The following TCTN1 variants were observed in gnomAD, a reference collection of about 807,000 sequenced individuals.
The protein encoded by TCTN1 is tectonic-1.
Under a neutral mutation model 65.8 loss-of-function variants are expected in TCTN1, and 58 were observed. The observed-to-expected ratio is 0.88, with a 90% CI of 0.71 to 1.10. The LOEUF is 1.10. TCTN1 is among the 50% of genes least tolerant of loss of function. The pLI, the probability that TCTN1 is intolerant of heterozygous loss-of-function variation, is 0.00. For synonymous variants in TCTN1, 273 were observed against 289.1 expected (o/e 0.94, Z 0.57); for missense variants, 645 against 719.4 (o/e 0.90, Z 1.18).
intron 5 of TCTN1, chr12:110,634,441 C>T: frequency 1.8e-6 from 1 of 568,852 alleles, no homozygotes. Context: ...CTCTGGGAGG[C>T]CGAGGCGAGA....
At chr12:110,623,751 G>A (rs570249168) in intron 2 of TCTN1, among the ~76,000 whole-genome samples, 37 of 151,538 alleles carry the variant, frequency 2.4e-4, no homozygotes, top group African/African-American at 5.8e-4. Context: ...AGCATGCCGG[G>A]CTAATTTTTT....
Position 110,619,941 on chromosome 12 carries a change from C to T in TCTN1, c.326C>T (p.Ser109Leu), listed in dbSNP as rs772567417. Residue 109 changes from serine to leucine, a missense_variant, in exon 2 of 15, where the codon TCA (serine) becomes TTA (leucine). Ser to Leu is a moderately radical substitution (Grantham distance 145). Transcript: ENST00000397659. ...SVDFSVFSAC[S>L]VPVVTGDSQF... is the part of the protein sequence containing the mutation. ...GATTTCAGTGTCTTTTCTGCCTGCT[C>T]AGTTCCAGTTGTCACGTAAGTTTAC... The T allele has an allele frequency of 6.2e-7, 1 of 1,614,138 alleles. No individual in the cohort carries two copies. Among genetic ancestry groups the T allele is most frequent in the South Asian group, 1.1e-5 (1 of 91,074 alleles).
chr12:110,645,597 C>G (rs1406360432), intron 12 of TCTN1: 1 of 222,704 alleles, frequency 4.5e-6, no homozygotes, highest in Admixed American at 5.2e-5. Flanking sequence ...GGCTCTCCCA[C>G]CCATTGTCCC....
rs1376765850 is a variant in TCTN1, at chr12:110,647,446, G to A, written c.1635+110G>A. Reference sequence around the variant, plus strand: ...TGAAAAAGATTATAATTTAAACCATGGGGGTTCATAAAATATTTCAGCAGT... The same window carrying A: ...TGAAAAAGATTATAATTTAAACCATAGGGGTTCATAAAATATTTCAGCAGT... On this transcript the variant is annotated intron_variant, in intron 13 of 14. Coordinates refer to ENST00000397659, the MANE Select transcript of TCTN1 (RefSeq NM_001082538.3). The A allele has an allele frequency of 2.1e-6, 3 of 1,411,630 alleles. No individual in the cohort carries two copies. In the Admixed American group the frequency reaches 5.4e-5, roughly 26 times the overall value. 87.4% of individuals were successfully genotyped at this position (1,411,630 alleles called of 1,614,324 possible).
intron 2 of TCTN1, among the ~76,000 whole-genome samples, chr12:110,623,469 G>A (rs1327738529): frequency 5.3e-5 from 8 of 152,178 alleles, no homozygotes; most frequent in Non-Finnish European, 1.2e-4. Flanking sequence ...CCCTTCTAGA[G>A]GGCAATCTGG....
intron 7 of TCTN1, among the ~76,000 whole-genome samples, chr12:110,637,250 AGAGGCATG>A (rs2066636108): frequency 6.6e-6 from 1 of 152,244 alleles, no homozygotes; most frequent in African/African-American, 2.4e-5. Context: ...GCGTCCGTGC[AGAGGCATG>A]ACACAAGGCC....
chr12:110,623,595 GT>G (rs2065602508), intron 2 of TCTN1, among the ~76,000 whole-genome samples: 1 of 152,136 alleles, frequency 6.6e-6, no homozygotes, highest in Non-Finnish European at 1.5e-5. Flanking sequence ...TATGTATAAG[GT>G]TGTCATTATA....
Position 110,642,252 on chromosome 12 carries a change from T to C in TCTN1, c.1194T>C (p.Ser398=). ...LAAGFQPHKG[S]GIIQTTNRYG... Reference sequence around the variant, plus strand: ...TGTCCCTTAACTGTCTGTGAATGTCTGGGATTATTCAGACCACAAATAGAT... The same window carrying C: ...TGTCCCTTAACTGTCTGTGAATGTCCGGGATTATTCAGACCACAAATAGAT... Residue 398 remains serine (S), a synonymous_variant, in exon 11 of 15, where the codon TCT becomes TCC. Transcript: ENST00000397659. The C allele has an allele frequency of 6.2e-7, 1 of 1,614,200 alleles. No homozygotes were observed. Among genetic ancestry groups the C allele is most frequent in the African/African-American group, 1.3e-5 (1 of 75,042 alleles).
At chr12:110,630,129 T>C (rs1388587810) in intron 4 of TCTN1, 1 of 152,160 alleles carries the variant, frequency 6.6e-6, no homozygotes, top group Non-Finnish European at 1.5e-5. Flanking sequence ...ATGTAGATGA[T>C]GGGTTGATGA....
chr12:110,645,297 GGC>G, intron 12 of TCTN1, 168 bp downstream of exon 12: 1 of 817,720 alleles, frequency 1.2e-6, no homozygotes, highest in South Asian at 1.6e-5. Context: ...TGTTGCCTCT[GGC>G]CAGCAGTTTT....
chr12:110,630,525 C>T (rs553678104), intron 4 of TCTN1, among the ~76,000 whole-genome samples: 1 of 152,270 alleles, frequency 6.6e-6, no homozygotes, highest in African/African-American at 2.4e-5. Flanking sequence ...CTTTTGGAAG[C>T]ATCTTTTTAA....
Position 110,619,782 on chromosome 12 carries a change from A to G in TCTN1, c.221-54A>G, listed in dbSNP as rs2065287525. On this transcript the variant is annotated intron_variant, in intron 1 of 14. Transcript: ENST00000397659. The stretch of plus-strand genomic sequence containing the variant: ...ATGGTACACTGTGGTGGCAGGGGGC[A>G]GTCACCACCTGCTGATGGTGATGTT... 5 of 1,610,744 alleles carry G rather than the reference A, an allele frequency of 3.1e-6. No homozygotes were observed. The South Asian group carries it at 3.3e-5, about 11-fold the overall frequency.
Position 110,615,703 on chromosome 12 carries a change from C to G in TCTN1, c.220+1301C>G, listed in dbSNP as rs536897373. 1.1e-4 allele frequency among the ~76,000 whole-genome samples: 17 copies of G among 152,240 alleles called. No individual in the cohort carries two copies. The East Asian group carries it at 3.1e-3, about 28-fold the overall frequency. ...CTCGCTATGTTGTTCAGGCTGATCT[C>G]AAACTCCTGGGCTCAAGTGATCCTC... On this transcript the variant is annotated intron_variant, in intron 1 of 14. Transcript: ENST00000397659.
chr12:110,647,166 C>A (rs1457777444), intron 12 of TCTN1, 30 bp from the exon 13 acceptor site: 2 of 1,613,900 alleles, frequency 1.2e-6, no homozygotes, highest in African/African-American at 2.7e-5. Context: ...GTCTGACTTG[C>A]AGTTTTGTAA....
At position 110,614,152 on chromosome 12, in the gene TCTN1, T is replaced by G. The variant is rs768249685; in HGVS notation, c.-31T>G. On this transcript the variant is annotated 5_prime_UTR_variant, in exon 1 of 15. The change abolishes an upstream ATG in the 5' untranslated region. Coordinates refer to ENST00000397659, the MANE Select transcript of TCTN1 (RefSeq NM_001082538.3). ...CGGTTGCCGGGCAACGCGCTGTCCA[T>G]GTCGCGGGCCTCGCTGGGACTCCCT... 1.3e-6 allele frequency: 2 copies of G among 1,546,238 alleles called. No homozygotes were observed. Among genetic ancestry groups the G allele is most frequent in the Non-Finnish European group, 1.7e-6 (2 of 1,146,882 alleles).
chr12:110,631,494 C>T (rs1187389699), intron 4 of TCTN1, among the ~76,000 whole-genome samples: 8 of 151,896 alleles, frequency 5.3e-5, no homozygotes, highest in Non-Finnish European at 1.0e-4. Context: ...ATTAGCTGGG[C>T]GTGGTGGTGC....
intron 2 of TCTN1, 105 bp from the exon 3 acceptor site, chr12:110,626,257 C>G: frequency 7.7e-7 from 1 of 1,293,826 alleles, no homozygotes; most frequent in Non-Finnish European, 1.1e-6. Flanking sequence ...CTCCACGTAA[C>G]TGTTAACATA....
At chr12:110,621,795 C>T (rs1189011642) in intron 2 of TCTN1, among the ~76,000 whole-genome samples, 1 of 149,586 alleles carries the variant, frequency 6.7e-6, no homozygotes, top group Non-Finnish European at 1.5e-5. Flanking sequence ...TTCTCCTTAA[C>T]CATTAGTACC....
rs139098803 is a variant in TCTN1, at chr12:110,624,917, C to T, written c.342-1445C>T. Reference sequence around the variant, plus strand: ...ACTTGTAAGCACTAAACCTTCCAGACGACTGATCTCAGGTGATCCACCCGC... The same window carrying T: ...ACTTGTAAGCACTAAACCTTCCAGATGACTGATCTCAGGTGATCCACCCGC... On this transcript the variant is annotated intron_variant, in intron 2 of 14. Coordinates refer to ENST00000397659, the MANE Select transcript of TCTN1 (RefSeq NM_001082538.3). 7.1e-3 allele frequency among the ~76,000 whole-genome samples: 1,078 copies of T among 150,824 alleles called. 1 individual carries two copies. The highest frequency in any genetic ancestry group is 9.5e-3 in the Non-Finnish European group (640 of 67,648).
Sources: gnomAD v4.1 joint callset for allele counts (sites outside exome capture counted in the v4.1 genomes callset) on GRCh38, gnomAD v4.1.1 for gene constraint, MANE v1.5 for transcripts, NCBI Gene and HGNC (gene_info 2026-07-23, HGNC 2026-07-21) for gene names.